Variants in COX7B2 observed in about 807,000 individuals in gnomAD.
COX7B2 encodes the protein cytochrome c oxidase subunit 7B2, mitochondrial.
For missense variants in COX7B2, 109 were observed against 95.9 expected, an observed-to-expected ratio of 1.14 and a Z score of -0.57; for synonymous variants, 37 against 32.1, an observed-to-expected ratio of 1.15 and a Z score of -0.51.
At chr4:46,783,974 G>A (rs994148439) in intron 2 of COX7B2, among the ~76,000 whole-genome samples, 1 of 152,066 alleles carries the variant, frequency 6.6e-6, no homozygotes, top group Non-Finnish European at 1.5e-5. Flanking sequence ...GACATGATTG[G>A]GACAGTATCA....
chr4:46,744,804 G>T (rs143055374), intron 2 of COX7B2, among the ~76,000 whole-genome samples: 1 of 144,102 alleles, frequency 6.9e-6, no homozygotes. Flanking sequence ...GTGCAGTGGC[G>T]TAATCTCGGC....
At chr4:46,831,230 C>A (rs1408934494) in intron 2 of COX7B2, among the ~76,000 whole-genome samples, 1 of 152,124 alleles carries the variant, frequency 6.6e-6, no homozygotes. Context: ...TGCCGGCCCA[C>A]CAACGCAGCG....
chr4:46,745,060 A>G (rs1714940723), intron 2 of COX7B2, among the ~76,000 whole-genome samples: 1 of 152,082 alleles, frequency 6.6e-6, no homozygotes, highest in South Asian at 2.1e-4. Context: ...AGACACATTT[A>G]CCAATTGTTT....
chr4:46,774,365 G>A (rs1717042764), intron 2 of COX7B2, among the ~76,000 whole-genome samples: 8 of 151,846 alleles, frequency 5.3e-5, no homozygotes, highest in Admixed American at 5.2e-4. Flanking sequence ...CAAGTTCAGA[G>A]AAATTATACT....
chr4:46,770,583 G>A (rs1345599923), intron 2 of COX7B2, among the ~76,000 whole-genome samples: 1 of 151,518 alleles, frequency 6.6e-6, no homozygotes, highest in East Asian at 1.9e-4. Flanking sequence ...TACCATAAAG[G>A]TCTACTAATC....
At chr4:46,887,446 T>C (rs1031879591) in intron 1 of COX7B2, among the ~76,000 whole-genome samples, 4 of 152,124 alleles carry the variant, frequency 2.6e-5, no homozygotes, top group African/African-American at 9.7e-5. Flanking sequence ...GCACAGTGGC[T>C]CACACCTGTA....
chr4:46,753,719 T>A (rs548866867), intron 2 of COX7B2, among the ~76,000 whole-genome samples: 1 of 152,046 alleles, frequency 6.6e-6, no homozygotes, highest in South Asian at 2.1e-4. Context: ...AAATGGGATC[T>A]AATTAAACTA....
intron 1 of COX7B2, among the ~76,000 whole-genome samples, chr4:46,884,177 T>C (rs1311600526): frequency 9.6e-6 from 1 of 104,480 alleles, no homozygotes; most frequent in Non-Finnish European, 2.1e-5. Context: ...AGGGGGCCAG[T>C]TGGGGGGTGG....
chr4:46,901,952 C>A (rs904159884), intron 1 of COX7B2, among the ~76,000 whole-genome samples: 1 of 152,166 alleles, frequency 6.6e-6, no homozygotes, highest in Non-Finnish European at 1.5e-5. Context: ...TTCTTGGTTC[C>A]CCATCTTGGG....
chr4:46,773,452 C>G (rs1269876346), intron 2 of COX7B2, among the ~76,000 whole-genome samples: 1 of 152,126 alleles, frequency 6.6e-6, no homozygotes. Flanking sequence ...TGAGGCCCCC[C>G]CAGTCATGCT....
At chr4:46,879,594 A>G (rs1014421213) in intron 1 of COX7B2, among the ~76,000 whole-genome samples, 2 of 151,896 alleles carry the variant, frequency 1.3e-5, no homozygotes, top group African/African-American at 4.8e-5. Context: ...ATGATGATCC[A>G]TTAGAGTATG....
intron 2 of COX7B2, among the ~76,000 whole-genome samples, chr4:46,791,918 T>C (rs1718069552): frequency 6.6e-6 from 1 of 152,234 alleles, no homozygotes; most frequent in South Asian, 2.1e-4. Context: ...AGATGGCTTC[T>C]TTTTTATTTT....
At chr4:46,860,747 C>T (rs1208117362) in intron 1 of COX7B2, among the ~76,000 whole-genome samples, 4 of 152,096 alleles carry the variant, frequency 2.6e-5, no homozygotes, top group Non-Finnish European at 1.5e-5. Context: ...CTGCAATGTA[C>T]GTTTCATTTA....
chr4:46,837,092 G>A (rs1715564172), intron 2 of COX7B2, among the ~76,000 whole-genome samples: 1 of 152,000 alleles, frequency 6.6e-6, no homozygotes, highest in African/African-American at 2.4e-5. Context: ...GTTAACTTCA[G>A]TGCAGGATTC....
chr4:46,752,652 C>T (rs1715467370), intron 2 of COX7B2, among the ~76,000 whole-genome samples: 1 of 152,062 alleles, frequency 6.6e-6, no homozygotes. Flanking sequence ...TTGTCAAAAG[C>T]CTTTTCTCCA....
intron 1 of COX7B2, among the ~76,000 whole-genome samples, chr4:46,893,464 G>C (rs1719563307): frequency 1.3e-5 from 2 of 152,142 alleles, no homozygotes; most frequent in South Asian, 4.1e-4. Flanking sequence ...TCCTTCATTT[G>C]TTTATTCTCT....
chr4:46,877,266 C>T (rs1718402218), intron 1 of COX7B2, among the ~76,000 whole-genome samples: 1 of 152,184 alleles, frequency 6.6e-6, no homozygotes, highest in African/African-American at 2.4e-5. Context: ...TGTTATGTGA[C>T]TGAGCTGAGG....
chr4:46,860,958 T>G (rs896482590), intron 1 of COX7B2, among the ~76,000 whole-genome samples: 1 of 152,112 alleles, frequency 6.6e-6, no homozygotes, highest in African/African-American at 2.4e-5. Flanking sequence ...GAGGGGACCC[T>G]CACTGGCCAA....
chr4:46,874,449 A>G (rs1378432303), intron 1 of COX7B2, among the ~76,000 whole-genome samples: 1 of 152,168 alleles, frequency 6.6e-6, no homozygotes, highest in African/African-American at 2.4e-5. Flanking sequence ...TGCTACATCT[A>G]ATGTGCAAAA....
Sources: gnomAD v4.1 joint callset for allele counts (sites outside exome capture counted in the v4.1 genomes callset) on GRCh38, gnomAD v4.1.1 for gene constraint, MANE v1.5 for transcripts, NCBI Gene and HGNC (gene_info 2026-07-23, HGNC 2026-07-21) for gene names.